SLC7A11: variants seen among roughly 807,000 people sequenced by gnomAD.
SLC7A11 encodes the protein cystine/glutamate transporter.
A neutral mutation model predicts 54.5 loss-of-function variants in SLC7A11; 35 were observed. The observed-to-expected ratio is 0.64, with a 90% confidence interval of 0.49 to 0.85. SLC7A11 has a LOEUF of 0.85. Among genes scored for constraint, SLC7A11 ranks in the 40% least tolerant of loss-of-function variants. SLC7A11 has a pLI of 0.00. For missense variants in SLC7A11, 583 were observed against 618.1 expected (o/e 0.94, Z 0.60); for synonymous variants, 230 against 225.2 (o/e 1.02, Z -0.19).
Position 138,223,272 on chromosome 4 carries a change from C to A in SLC7A11, c.573G>T (p.Gln191His). ...SMSVSWSARIQIFLTFCKLTA... is the reference protein window; with the variant it reads ...SMSVSWSARIHIFLTFCKLTA... ...TGAGCTTGCAAAAGGTTAAGAAAAT[C>A]TGGATCCGGGCGCTCCAGCTGACAC... The change falls in exon 4 of 12, where the codon CAG (glutamine) becomes CAT (histidine). Residue 191 changes from glutamine to histidine, a missense_variant. Gln to His is a conservative substitution (Grantham distance 24, BLOSUM62 0). Transcript: ENST00000280612. The A allele has an allele frequency of 6.2e-7, 1 of 1,613,726 alleles. No individual in the cohort carries two copies. Among genetic ancestry groups the A allele is most frequent in the Non-Finnish European group, 8.5e-7 (1 of 1,179,636 alleles).
intron 6 of SLC7A11, among the ~76,000 whole-genome samples, chr4:138,199,645 C>T (rs1253234473): frequency 3.3e-5 from 5 of 152,010 alleles, no homozygotes; most frequent in African/African-American, 1.2e-4. Flanking sequence ...CCAGGTATTG[C>T]TATAGAAATG....
intron 9 of SLC7A11, 115 bp downstream of exon 9, chr4:138,182,180 TGA>T: frequency 1.6e-6 from 1 of 635,784 alleles, no homozygotes; most frequent in Non-Finnish European, 2.8e-6. Flanking sequence ...AACTCCACCA[TGA>T]CATACATTAG....
At position 138,164,489 on chromosome 4, in the gene SLC7A11, C is replaced by T. The variant is rs1736202608; in HGVS notation, c.*7467G>A. The T allele has an allele frequency of 6.6e-6, 1 of 152,156 alleles. No homozygotes were observed. The highest frequency in any genetic ancestry group is 1.5e-5 in the Non-Finnish European group (1 of 68,020). The allele number at this position is 152,156 out of a possible 1,614,324, so 9.4% of individuals were successfully genotyped here. A position where few individuals can be genotyped will look rare whatever the true frequency, so the allele number is the denominator to read the frequency against. Reference sequence around the variant, plus strand: ...TCACATGCTTGTGCAGGCATCAGTGCTAGGAACCCTAAGAAACAACGCAAT... The same window carrying T: ...TCACATGCTTGTGCAGGCATCAGTGTTAGGAACCCTAAGAAACAACGCAAT... On this transcript the variant is annotated 3_prime_UTR_variant, in exon 12 of 12. Transcript: ENST00000280612.
rs370162306 is a variant in SLC7A11, at chr4:138,171,205, T to A, written c.*751A>T. ...CTCTAAGATGTGTTATACACTTTCC[T>A]GATCAAACTGATGTGAAAAAAAAAA... On this transcript the variant is annotated 3_prime_UTR_variant, in exon 12 of 12. Transcript: ENST00000280612. 1 of 151,900 alleles carries A rather than the reference T, an allele frequency of 6.6e-6. No individual in the cohort carries two copies. Among genetic ancestry groups the A allele is most frequent in the East Asian group, 1.9e-4 (1 of 5,174 alleles). The allele number at this position is 151,900 out of a possible 1,614,324, so 9.4% of individuals were successfully genotyped here.
At chr4:138,205,222 C>T (rs1301183855) in intron 6 of SLC7A11, among the ~76,000 whole-genome samples, 2 of 151,954 alleles carry the variant, frequency 1.3e-5, no homozygotes, top group Non-Finnish European at 2.9e-5. Context: ...TTTTGATTTC[C>T]TGAACCAGTG....
At chr4:138,183,531 A>C (rs190234911) in intron 7 of SLC7A11, among the ~76,000 whole-genome samples, 1 of 152,276 alleles carries the variant, frequency 6.6e-6, no homozygotes, top group Admixed American at 6.5e-5. Flanking sequence ...CTAAACAAGC[A>C]CCTTCTCTCT....
intron 2 of SLC7A11, among the ~76,000 whole-genome samples, chr4:138,232,593 T>C (rs187291363): frequency 2.5e-3 from 377 of 152,342 alleles, no homozygotes; most frequent in African/African-American, 8.6e-3. Flanking sequence ...CTTCACATAT[T>C]CTTGGGAACA....
intron 5 of SLC7A11, among the ~76,000 whole-genome samples, chr4:138,216,749 G>A (rs190221068): frequency 2.6e-5 from 4 of 152,226 alleles, no homozygotes; most frequent in South Asian, 2.1e-4. Context: ...CAGGCTGGGC[G>A]GTAAGCTCTG....
intron 10 of SLC7A11, 95 bp downstream of exon 10, chr4:138,180,546 C>T (rs1736711520): frequency 7.9e-7 from 1 of 1,266,998 alleles, no homozygotes; most frequent in African/African-American, 1.5e-5. Flanking sequence ...AGATGCTGCC[C>T]CCAGCCCAAC....
intron 6 of SLC7A11, among the ~76,000 whole-genome samples, chr4:138,188,638 T>C (rs1736935934): frequency 6.6e-6 from 1 of 152,190 alleles, no homozygotes. Flanking sequence ...CTGAGCAATC[T>C]TTCTGGAGGC....
chr4:138,219,688 T>C (rs1737761650), intron 4 of SLC7A11, among the ~76,000 whole-genome samples: 1 of 152,186 alleles, frequency 6.6e-6, no homozygotes, highest in African/African-American at 2.4e-5. Flanking sequence ...ATTATAATCT[T>C]TATGAATATG....
intron 6 of SLC7A11, among the ~76,000 whole-genome samples, chr4:138,201,510 G>A (rs1737286134): frequency 6.6e-6 from 1 of 152,186 alleles, no homozygotes; most frequent in Non-Finnish European, 1.5e-5. Flanking sequence ...GTATGTTCTT[G>A]AAAAACAACC....
At chr4:138,182,674 ATCTAGT>A (rs1441047097) in intron 8 of SLC7A11, among the ~76,000 whole-genome samples, 26 of 152,148 alleles carry the variant, frequency 1.7e-4, no homozygotes, top group Admixed American at 1.7e-3. Context: ...CTGATGGGAA[ATCTAGT>A]TCTAGATTCC....
intron 9 of SLC7A11, among the ~76,000 whole-genome samples, chr4:138,181,102 A>G (rs1736730650): frequency 1.3e-5 from 2 of 152,120 alleles, no homozygotes; most frequent in South Asian, 4.1e-4. Context: ...AAAGAGTAAA[A>G]GAAAGGTTAC....
chr4:138,174,258 TGAG>T (rs1265938071), intron 11 of SLC7A11, among the ~76,000 whole-genome samples: 2 of 152,334 alleles, frequency 1.3e-5, no homozygotes, highest in East Asian at 3.9e-4. Context: ...TTCAGACAAA[TGAG>T]GAGCAACTTA....
Position 138,232,362 on chromosome 4 carries a change from A to T in SLC7A11, c.425T>A (p.Ile142Lys). Residue 142 changes from isoleucine (I) to lysine (K), a missense_variant, in exon 3 of 12, where the codon ATA becomes AAA. Transcript: ENST00000280612. ...LIIRPAATAV[I>K]SLAFGRYILE... Reference sequence around the variant, plus strand: ...AATGTAGCGTCCAAATGCCAGGGATATCACAGCAGTAGCTGCAGGGCTAAA... The same window carrying T: ...AATGTAGCGTCCAAATGCCAGGGATTTCACAGCAGTAGCTGCAGGGCTAAA... The T allele has an allele frequency of 6.2e-7, 1 of 1,610,530 alleles. No homozygotes were observed. The highest frequency in any genetic ancestry group is 8.5e-7 in the Non-Finnish European group (1 of 1,176,774).
At chr4:138,200,458 C>T (rs1263915476) in intron 6 of SLC7A11, among the ~76,000 whole-genome samples, 4 of 152,114 alleles carry the variant, frequency 2.6e-5, no homozygotes, top group African/African-American at 9.7e-5. Context: ...AATTTTAATG[C>T]TCTGACACAT....
chr4:138,205,785 T>G (rs1278584128), intron 6 of SLC7A11, among the ~76,000 whole-genome samples: 1 of 152,028 alleles, frequency 6.6e-6, no homozygotes, highest in Non-Finnish European at 1.5e-5. Flanking sequence ...AAGTGTGGAC[T>G]GAAAAGCTGG....
chr4:138,217,197 C>T (rs758897779), intron 5 of SLC7A11, among the ~76,000 whole-genome samples: 6 of 152,184 alleles, frequency 3.9e-5, no homozygotes, highest in Non-Finnish European at 7.4e-5. Context: ...CTGTCCCCTA[C>T]ATAAGCCACT....
Sources: gnomAD v4.1 joint callset for allele counts (sites outside exome capture counted in the v4.1 genomes callset) on GRCh38, gnomAD v4.1.1 for gene constraint, MANE v1.5 for transcripts, NCBI Gene and HGNC (gene_info 2026-07-23, HGNC 2026-07-21) for gene names.